HCN1: variants seen among roughly 807,000 people sequenced by gnomAD.
HCN1 encodes potassium/sodium hyperpolarization-activated cyclic nucleotide-gated channel 1.
In HCN1, 13 loss-of-function variants were observed where a neutral mutation model predicts 78.9. That is an observed-to-expected ratio of 0.16 (90% CI 0.11 to 0.26). The LOEUF (loss-of-function observed/expected upper bound fraction) is 0.26, where lower values mean the gene tolerates loss of function less well. Among genes scored for constraint, HCN1 ranks in the 10% least tolerant of loss-of-function variants. The pLI is 1.00. For synonymous variants in HCN1, 552 were observed against 455.5 expected, an observed-to-expected ratio of 1.21 and a Z score of -2.70; for missense variants, 810 against 1,154.3, an observed-to-expected ratio of 0.70 and a Z score of 4.32.
At chr5:45,595,920 C>T (rs1169663245) in intron 2 of HCN1, among the ~76,000 whole-genome samples, 1 of 150,866 alleles carries the variant, frequency 6.6e-6, no homozygotes, top group African/African-American at 2.4e-5. Flanking sequence ...GACGGAGTCT[C>T]GCTCTGTCAC....
chr5:45,516,356 C>G (rs890341376), intron 2 of HCN1, among the ~76,000 whole-genome samples: 6 of 151,866 alleles, frequency 4.0e-5, no homozygotes, highest in African/African-American at 1.4e-4. Flanking sequence ...TCCATATCCC[C>G]AGAAGAACAG....
At chr5:45,522,879 T>C (rs1742644034) in intron 2 of HCN1, among the ~76,000 whole-genome samples, 1 of 152,022 alleles carries the variant, frequency 6.6e-6, no homozygotes, top group Non-Finnish European at 1.5e-5. Flanking sequence ...TTACTATACT[T>C]TAAGTTTTAG....
At chr5:45,515,216 T>A (rs1422324311) in intron 2 of HCN1, among the ~76,000 whole-genome samples, 2 of 152,004 alleles carry the variant, frequency 1.3e-5, no homozygotes, top group Non-Finnish European at 1.5e-5. Flanking sequence ...TCCATCAAGC[T>A]GTAATAGGTT....
chr5:45,690,498 A>G (rs1739888575), intron 1 of HCN1, among the ~76,000 whole-genome samples: 1 of 152,050 alleles, frequency 6.6e-6, no homozygotes. Flanking sequence ...TGTAGCACAT[A>G]TATACAAATA....
chr5:45,594,273 A>G (rs1405801554), intron 2 of HCN1, among the ~76,000 whole-genome samples: 1 of 152,160 alleles, frequency 6.6e-6, no homozygotes, highest in East Asian at 1.9e-4. Flanking sequence ...TAATGATTCT[A>G]CTTTCATTTC....
chr5:45,276,537 G>A (rs1013777066), intron 6 of HCN1, among the ~76,000 whole-genome samples: 3 of 152,010 alleles, frequency 2.0e-5, no homozygotes, highest in African/African-American at 7.2e-5. Context: ...GTTGGAAAAA[G>A]TAAACAAAAG....
chr5:45,305,175 C>T (rs909570577), intron 5 of HCN1, among the ~76,000 whole-genome samples: 2 of 152,052 alleles, frequency 1.3e-5, no homozygotes, highest in African/African-American at 2.4e-5. Flanking sequence ...CTATCTTCTG[C>T]CTTGGGGAAA....
chr5:45,471,309 C>T (rs991473656), intron 2 of HCN1, among the ~76,000 whole-genome samples: 3 of 151,852 alleles, frequency 2.0e-5, no homozygotes, highest in African/African-American at 7.2e-5. Context: ...TTCCAATATC[C>T]TGACCTATTG....
chr5:45,325,984 A>T (rs1018163057), intron 5 of HCN1, among the ~76,000 whole-genome samples: 5 of 150,224 alleles, frequency 3.3e-5, no homozygotes, highest in African/African-American at 1.2e-4. Flanking sequence ...AGTTACATGT[A>T]AAAAAAAAGG....
At chr5:45,544,719 C>T (rs543402752) in intron 2 of HCN1, among the ~76,000 whole-genome samples, 27 of 151,088 alleles carry the variant, frequency 1.8e-4, no homozygotes, top group African/African-American at 5.8e-4. Flanking sequence ...TCTGTCCTTG[C>T]GATAGTTTGC....
intron 2 of HCN1, among the ~76,000 whole-genome samples, chr5:45,639,622 A>G (rs527463278): frequency 4.6e-5 from 7 of 152,350 alleles, no homozygotes; most frequent in Non-Finnish European, 1.0e-4. Context: ...CACTGCAAAT[A>G]GACTTCATAG....
intron 4 of HCN1, among the ~76,000 whole-genome samples, chr5:45,363,598 T>C (rs930034843): frequency 6.6e-5 from 10 of 152,008 alleles, no homozygotes; most frequent in Non-Finnish European, 1.5e-4. Flanking sequence ...TTTGGCTGTG[T>C]CCACATTCAA....
chr5:45,445,210 A>G (rs576704763), intron 3 of HCN1, among the ~76,000 whole-genome samples: 19 of 152,326 alleles, frequency 1.2e-4, no homozygotes, highest in African/African-American at 4.1e-4. Flanking sequence ...ACGGGCTTAG[A>G]AAACGGCGCA....
intron 2 of HCN1, among the ~76,000 whole-genome samples, chr5:45,638,198 T>G (rs1427173816): frequency 6.6e-6 from 1 of 152,046 alleles, no homozygotes; most frequent in Non-Finnish European, 1.5e-5. Flanking sequence ...GAAAAGGAGA[T>G]TTAAAGAAAA....
intron 3 of HCN1, among the ~76,000 whole-genome samples, chr5:45,461,604 C>T (rs997919297): frequency 6.6e-6 from 1 of 151,876 alleles, no homozygotes; most frequent in Non-Finnish European, 1.5e-5. Flanking sequence ...TCAGTATACA[C>T]AGAATAAAAT....
At chr5:45,625,295 T>C (rs1407381822) in intron 2 of HCN1, among the ~76,000 whole-genome samples, 1 of 149,308 alleles carries the variant, frequency 6.7e-6, no homozygotes, top group Non-Finnish European at 1.5e-5. Flanking sequence ...AGAGCAAGAC[T>C]CTGTCTCAAA....
intron 1 of HCN1, among the ~76,000 whole-genome samples, chr5:45,676,455 C>T (rs996278750): frequency 6.6e-6 from 1 of 151,292 alleles, no homozygotes; most frequent in Non-Finnish European, 1.5e-5. Flanking sequence ...TATTTCTGTA[C>T]AAGAAAATCA....
At chr5:45,272,004 A>C (rs1319266412) in intron 6 of HCN1, among the ~76,000 whole-genome samples, 1 of 152,128 alleles carries the variant, frequency 6.6e-6, no homozygotes, top group Non-Finnish European at 1.5e-5. Context: ...CACTTAAAAT[A>C]ATCTCTTCTT....
At chr5:45,657,586 T>C (rs556701749) in intron 1 of HCN1, among the ~76,000 whole-genome samples, 1 of 152,300 alleles carries the variant, frequency 6.6e-6, no homozygotes, top group African/African-American at 2.4e-5. Flanking sequence ...GGCTCACTTT[T>C]TAAAGATATG....
Sources: gnomAD v4.1 joint callset for allele counts (sites outside exome capture counted in the v4.1 genomes callset) on GRCh38, gnomAD v4.1.1 for gene constraint, MANE v1.5 for transcripts, NCBI Gene and HGNC (gene_info 2026-07-23, HGNC 2026-07-21) for gene names.